Variants in CCSER1 observed in about 807,000 individuals in gnomAD.
CCSER1 encodes serine-rich coiled-coil domain-containing protein 1.
A neutral mutation model predicts 82.0 loss-of-function variants in CCSER1; 41 were observed. That is an observed-to-expected ratio of 0.50 (90% CI 0.39 to 0.65). CCSER1 has a LOEUF of 0.65. Among genes scored for constraint, CCSER1 ranks in the 30% least tolerant of loss-of-function variants. The pLI is 0.00. For synonymous variants in CCSER1, 414 were observed against 383.9 expected, an observed-to-expected ratio of 1.08 and a Z score of -0.92; for missense variants, 1,119 against 1,064.2, an observed-to-expected ratio of 1.05 and a Z score of -0.72.
Position 91,602,650 on chromosome 4 carries a change from T to A in CCSER1, c.*3593T>A, listed in dbSNP as rs188314217. Among the ~76,000 whole-genome samples the A allele has an allele frequency of 4.1e-3, 628 of 151,906 alleles. 3 individuals carry two copies. Among genetic ancestry groups the A allele is most frequent in the Non-Finnish European group, 5.4e-3 (368 of 67,904 alleles). On this transcript the variant is annotated 3_prime_UTR_variant, in exon 11 of 11. Transcript: ENST00000509176. ...TTACTACTTTTTCACTTTCAGAACT[T>A]AACATTCTAAACAGCTATAGAAGGA...
At chr4:90,568,227 T>A (rs1434931413) in intron 5 of CCSER1, among the ~76,000 whole-genome samples, 1 of 152,234 alleles carries the variant, frequency 6.6e-6, no homozygotes, top group African/African-American at 2.4e-5. Flanking sequence ...ATTGGTTTTC[T>A]GTCTGGATGA....
intron 5 of CCSER1, among the ~76,000 whole-genome samples, chr4:90,569,804 C>T (rs1779892579): frequency 6.6e-6 from 1 of 152,206 alleles, no homozygotes; most frequent in Admixed American, 6.5e-5. Context: ...GCCACCACTG[C>T]TGCAGGACTG....
intron 9 of CCSER1, among the ~76,000 whole-genome samples, chr4:90,929,540 G>T (rs1009989349): frequency 6.6e-6 from 1 of 152,162 alleles, no homozygotes; most frequent in African/African-American, 2.4e-5. Context: ...TTAGGAGCCA[G>T]ATCCCCCTGG....
At chr4:90,456,120 G>A (rs995503167) in intron 4 of CCSER1, among the ~76,000 whole-genome samples, 5 of 152,172 alleles carry the variant, frequency 3.3e-5, no homozygotes, top group Non-Finnish European at 7.4e-5. Context: ...GGGAATTGGG[G>A]ACCTGGCCTA....
At chr4:90,488,276 C>T (rs1263419401) in intron 5 of CCSER1, among the ~76,000 whole-genome samples, 2 of 152,160 alleles carry the variant, frequency 1.3e-5, no homozygotes, top group Admixed American at 6.5e-5. Context: ...CCGCCTCGGC[C>T]TCCATGGTTC....
intron 9 of CCSER1, among the ~76,000 whole-genome samples, chr4:90,981,970 G>A (rs1420141836): frequency 6.6e-6 from 1 of 151,728 alleles, no homozygotes; most frequent in Non-Finnish European, 1.5e-5. Context: ...GCATAATCTC[G>A]AATTCTTCCT....
chr4:90,207,445 C>T (rs1402225459), intron 1 of CCSER1, among the ~76,000 whole-genome samples: 1 of 152,094 alleles, frequency 6.6e-6, no homozygotes, highest in Non-Finnish European at 1.5e-5. Flanking sequence ...GAACATGCTC[C>T]TTTAGCTCGG....
At chr4:91,237,312 A>G (rs1174452254) in intron 10 of CCSER1, among the ~76,000 whole-genome samples, 1 of 151,678 alleles carries the variant, frequency 6.6e-6, no homozygotes, top group African/African-American at 2.4e-5. Context: ...AAGAAGGGTT[A>G]CTGATTTATT....
intron 10 of CCSER1, among the ~76,000 whole-genome samples, chr4:91,382,117 G>A (rs1750944586): frequency 6.6e-6 from 1 of 152,196 alleles, no homozygotes; most frequent in Admixed American, 6.5e-5. Context: ...TCCTCTGGAA[G>A]CTTTGTCTCA....
intron 9 of CCSER1, among the ~76,000 whole-genome samples, chr4:90,960,659 G>A (rs1363209570): frequency 6.6e-6 from 1 of 151,996 alleles, no homozygotes. Flanking sequence ...TTTCATTTTC[G>A]GTATGAAAGC....
At chr4:90,351,606 TA>T (rs1315343232) in intron 3 of CCSER1, among the ~76,000 whole-genome samples, 19 of 151,872 alleles carry the variant, frequency 1.3e-4, no homozygotes, top group East Asian at 3.9e-4. Flanking sequence ...AACAATAGTG[TA>T]AAAAAAAGTA....
chr4:90,531,178 C>T (rs768211406), intron 5 of CCSER1, among the ~76,000 whole-genome samples: 28 of 151,572 alleles, frequency 1.8e-4, no homozygotes, highest in Admixed American at 1.2e-3. Context: ...TTTTAACCCC[C>T]CAAGGAGCCA....
chr4:90,854,864 G>A (rs1180251064), intron 8 of CCSER1, among the ~76,000 whole-genome samples: 4 of 152,212 alleles, frequency 2.6e-5, no homozygotes, highest in South Asian at 4.1e-4. Context: ...AAGAAAAGAG[G>A]TTTAATTGAC....
intron 10 of CCSER1, among the ~76,000 whole-genome samples, chr4:91,568,423 C>T (rs368337410): frequency 7.9e-5 from 12 of 152,142 alleles, no homozygotes; most frequent in South Asian, 2.1e-4. Flanking sequence ...TTTTCATGGA[C>T]GATATCCTGA....
At chr4:91,430,034 A>C (rs1424390822) in intron 10 of CCSER1, among the ~76,000 whole-genome samples, 2 of 152,038 alleles carry the variant, frequency 1.3e-5, no homozygotes, top group Non-Finnish European at 2.9e-5. Flanking sequence ...TTCATTGTTT[A>C]TATCTCATGT....
intron 3 of CCSER1, among the ~76,000 whole-genome samples, chr4:90,394,864 T>C (rs923992027): frequency 6.6e-6 from 1 of 152,220 alleles, no homozygotes; most frequent in Admixed American, 6.5e-5. Flanking sequence ...GTGTACACTG[T>C]TGAATAAATC....
chr4:91,019,494 AAAC>A (rs1739734711), intron 9 of CCSER1, among the ~76,000 whole-genome samples: 1 of 152,190 alleles, frequency 6.6e-6, no homozygotes, highest in Admixed American at 6.5e-5. Flanking sequence ...AGAGCATAGT[AAAC>A]AACATTATCA....
intron 2 of CCSER1, 115 bp downstream of exon 2, chr4:90,309,723 C>T (rs1284084189): frequency 1.4e-5 from 11 of 770,464 alleles, no homozygotes; most frequent in African/African-American, 7.1e-5. Context: ...TTTTCACTTT[C>T]GAAATGGTTT....
At chr4:90,391,489 C>CATAT (rs1316760598) in intron 3 of CCSER1, among the ~76,000 whole-genome samples, 13 of 81,226 alleles carry the variant, frequency 1.6e-4, no homozygotes, top group African/African-American at 9.0e-4. Flanking sequence ...TATATATACA[C>CATAT]ACACACAGTG....
Sources: allele counts gnomAD v4.1 joint callset (sites outside exome capture counted in the v4.1 genomes callset), GRCh38; gene constraint gnomAD v4.1.1; transcripts MANE v1.5; gene names NCBI Gene and HGNC (gene_info 2026-07-23, HGNC 2026-07-21).